The following AKAP19 variants were observed in gnomAD, a reference collection of about 807,000 sequenced individuals.
AKAP19 encodes the protein small A-kinase anchoring protein.
At chr2:190,113,866 G>A in the AKAP19 span, among the ~76,000 whole-genome samples, 8 of 152,238 alleles carry the variant, frequency 5.3e-5, no homozygotes, top group African/African-American at 1.9e-4. Flanking sequence ...CTTTTACAAA[G>A]TAATCTGCCT....
At chr2:189,964,271 T>G in the AKAP19 span, among the ~76,000 whole-genome samples, 31,110 of 152,116 alleles carry the variant, frequency 0.2, 3,424 homozygotes, top group African/African-American at 0.29. Context: ...AACAGTGGGC[T>G]TAAAATATTC....
chr2:190,086,621 A>T, the AKAP19 span, among the ~76,000 whole-genome samples: 1 of 152,240 alleles, frequency 6.6e-6, no homozygotes, highest in African/African-American at 2.4e-5. Context: ...AGGTGTTATT[A>T]TTTATCAGTC....
At chr2:189,883,455 T>A in the AKAP19 span, among the ~76,000 whole-genome samples, 1 of 152,042 alleles carries the variant, frequency 6.6e-6, no homozygotes, top group Non-Finnish European at 1.5e-5. Flanking sequence ...ATGCTGAACT[T>A]GATCTCCAAG....
the AKAP19 span, chr2:190,057,374 G>C: frequency 1.9e-6 from 3 of 1,613,596 alleles, no homozygotes; most frequent in East Asian, 4.5e-5. Flanking sequence ...GTACAGCAAG[G>C]GCCTGCTGAA....
At chr2:189,895,271 G>C in the AKAP19 span, among the ~76,000 whole-genome samples, 1 of 152,100 alleles carries the variant, frequency 6.6e-6, no homozygotes, top group Non-Finnish European at 1.5e-5. Flanking sequence ...CATTTTATAA[G>C]GTTCTGCACT....
the AKAP19 span, among the ~76,000 whole-genome samples, chr2:190,075,964 T>C: frequency 1.3e-5 from 2 of 152,190 alleles, no homozygotes; most frequent in Non-Finnish European, 2.9e-5. Flanking sequence ...TTACTCACTA[T>C]GCCTGTTTTT....
chr2:190,094,382 A>T, the AKAP19 span, among the ~76,000 whole-genome samples: 449 of 152,304 alleles, frequency 2.9e-3, 4 homozygotes, highest in African/African-American at 0.011. Flanking sequence ...GCCATTTTGT[A>T]GATAAGAAAA....
chr2:190,023,359 G>A, the AKAP19 span, among the ~76,000 whole-genome samples: 3 of 151,986 alleles, frequency 2.0e-5, no homozygotes, highest in Non-Finnish European at 4.4e-5. Flanking sequence ...CTTTTCCAGG[G>A]TGTTAATTTT....
chr2:190,005,651 A>G, the AKAP19 span, among the ~76,000 whole-genome samples: 10 of 152,328 alleles, frequency 6.6e-5, no homozygotes, highest in Non-Finnish European at 1.5e-4. Context: ...TCCCAGTGGC[A>G]TGTTTCCTAT....
the AKAP19 span, among the ~76,000 whole-genome samples, chr2:189,932,456 C>T: frequency 6.6e-6 from 1 of 151,562 alleles, no homozygotes; most frequent in Non-Finnish European, 1.5e-5. Flanking sequence ...TGCTGATTCT[C>T]CCCCCACCAC....
the AKAP19 span, among the ~76,000 whole-genome samples, chr2:190,090,454 A>G: frequency 6.6e-6 from 1 of 152,190 alleles, no homozygotes; most frequent in Non-Finnish European, 1.5e-5. Context: ...GCCAGCACCA[A>G]TTCGCCAGGC....
At chr2:190,148,347 G>A in the AKAP19 span, among the ~76,000 whole-genome samples, 1 of 152,150 alleles carries the variant, frequency 6.6e-6, no homozygotes, top group African/African-American at 2.4e-5. Flanking sequence ...TGCATCCCTG[G>A]TATGAAACCC....
the AKAP19 span, among the ~76,000 whole-genome samples, chr2:189,940,653 C>T: frequency 6.6e-6 from 1 of 151,830 alleles, no homozygotes; most frequent in Non-Finnish European, 1.5e-5. Context: ...ATTGAAAGGC[C>T]AGAGGGCTGG....
the AKAP19 span, among the ~76,000 whole-genome samples, chr2:190,141,163 T>A: frequency 6.6e-6 from 1 of 152,208 alleles, no homozygotes; most frequent in Non-Finnish European, 1.5e-5. Flanking sequence ...CTCTAGGAAG[T>A]TCCAAACATT....
chr2:190,156,060 C>G, the AKAP19 span, among the ~76,000 whole-genome samples: 11 of 152,020 alleles, frequency 7.2e-5, no homozygotes, highest in East Asian at 1.7e-3. Context: ...TGAGGAGTGA[C>G]CTGCCTCACT....
chr2:189,996,141 C>T, the AKAP19 span, among the ~76,000 whole-genome samples: 1 of 152,174 alleles, frequency 6.6e-6, no homozygotes, highest in Admixed American at 6.5e-5. Context: ...ATGTCTAGAT[C>T]TCTAGCAAGG....
the AKAP19 span, among the ~76,000 whole-genome samples, chr2:189,916,231 C>CATT: frequency 5.3e-5 from 8 of 152,114 alleles, no homozygotes; most frequent in East Asian, 1.2e-3. Context: ...ATAGCCAGGA[C>CATT]ATTAGTGTTA....
At chr2:190,076,075 A>T in the AKAP19 span, among the ~76,000 whole-genome samples, 8 of 152,272 alleles carry the variant, frequency 5.3e-5, no homozygotes, top group Non-Finnish European at 1.0e-4. Flanking sequence ...TATGTTATAA[A>T]TTCCCTAATG....
At chr2:190,100,809 T>C in the AKAP19 span, among the ~76,000 whole-genome samples, 53 of 152,076 alleles carry the variant, frequency 3.5e-4, no homozygotes, top group Admixed American at 4.6e-4. Context: ...CAGAATCCAC[T>C]GGAATTGTGA....
Sources: gnomAD v4.1 joint callset for allele counts (sites outside exome capture counted in the v4.1 genomes callset) on GRCh38, gnomAD v4.1.1 for gene constraint, MANE v1.5 for transcripts, NCBI Gene and HGNC (gene_info 2026-07-23, HGNC 2026-07-21) for gene names.